MAF: variants seen among roughly 807,000 people sequenced by gnomAD.
The protein encoded by MAF is transcription factor Maf.
MAF carries 10 observed loss-of-function variants against 22.0 expected under a neutral mutation model. That is an observed-to-expected ratio of 0.45 (90% CI 0.28 to 0.77). MAF has a LOEUF of 0.77. MAF is among the 30% of genes least tolerant of loss of function. MAF has a pLI of 0.12. For synonymous variants in MAF, 337 were observed against 255.8 expected (o/e 1.32, Z -3.03); for missense variants, 544 against 548.4 (o/e 0.99, Z 0.08).
At chr16:79,575,170 T>C in the MAF span, among the ~76,000 whole-genome samples, 1 of 152,016 alleles carries the variant, frequency 6.6e-6, no homozygotes, top group South Asian at 2.1e-4. Flanking sequence ...CCAATCCTAC[T>C]CACTCCTCTC....
the MAF span, among the ~76,000 whole-genome samples, chr16:79,401,728 G>A: frequency 6.6e-6 from 1 of 152,118 alleles, no homozygotes; most frequent in East Asian, 1.9e-4. Flanking sequence ...AGAATACGGA[G>A]ACCAGAAGGG....
At chr16:79,436,968 G>C in the MAF span, among the ~76,000 whole-genome samples, 2 of 152,316 alleles carry the variant, frequency 1.3e-5, 1 homozygote, top group Admixed American at 1.3e-4. Context: ...GAAAGTGAGA[G>C]ATCTGACTAT....
chr16:79,292,196 T>C, the MAF span, among the ~76,000 whole-genome samples: 1 of 152,112 alleles, frequency 6.6e-6, no homozygotes, highest in African/African-American at 2.4e-5. Context: ...TGTGATCTTA[T>C]TTGGAAATAG....
At chr16:79,358,619 T>C in the MAF span, among the ~76,000 whole-genome samples, 1 of 152,206 alleles carries the variant, frequency 6.6e-6, no homozygotes, top group Non-Finnish European at 1.5e-5. Context: ...GTCACTTTAC[T>C]TTTTTGCGAG....
chr16:79,312,521 A>C, the MAF span, among the ~76,000 whole-genome samples: 1 of 152,168 alleles, frequency 6.6e-6, no homozygotes, highest in African/African-American at 2.4e-5. Flanking sequence ...ACTGACTCCA[A>C]AACAGTTGTT....
chr16:79,369,467 G>A, the MAF span, among the ~76,000 whole-genome samples: 1 of 152,198 alleles, frequency 6.6e-6, no homozygotes, highest in South Asian at 2.1e-4. Context: ...TCTTCTCTTT[G>A]AGGACAGGAG....
the MAF span, among the ~76,000 whole-genome samples, chr16:79,456,698 A>G: frequency 6.6e-5 from 10 of 152,148 alleles, no homozygotes; most frequent in Admixed American, 2.0e-4. Context: ...ACATGACCTG[A>G]GTGTGCCTAC....
the MAF span, among the ~76,000 whole-genome samples, chr16:79,420,226 T>C: frequency 6.6e-6 from 1 of 152,234 alleles, no homozygotes; most frequent in Non-Finnish European, 1.5e-5. Flanking sequence ...TGTTTATAGA[T>C]GTGCATCAGT....
chr16:79,272,129 G>A, the MAF span, among the ~76,000 whole-genome samples: 2 of 152,170 alleles, frequency 1.3e-5, no homozygotes, highest in Non-Finnish European at 2.9e-5. Context: ...GGCAGCAGGC[G>A]GGGGCCCCCA....
chr16:79,411,450 G>A, the MAF span, among the ~76,000 whole-genome samples: 6 of 152,244 alleles, frequency 3.9e-5, no homozygotes, highest in East Asian at 9.7e-4. Context: ...ATTCAAACAG[G>A]CCTCTGAAGC....
chr16:79,573,012 G>T, the MAF span, among the ~76,000 whole-genome samples: 1 of 152,198 alleles, frequency 6.6e-6, no homozygotes, highest in Non-Finnish European at 1.5e-5. Flanking sequence ...TCATTATTAT[G>T]TGGTTGTGAG....
chr16:79,546,593 T>C, the MAF span, among the ~76,000 whole-genome samples: 1 of 152,192 alleles, frequency 6.6e-6, no homozygotes, highest in East Asian at 1.9e-4. Context: ...TCAGGACAGA[T>C]TAACTCATTC....
the MAF span, among the ~76,000 whole-genome samples, chr16:79,335,193 A>G: frequency 6.6e-6 from 1 of 151,904 alleles, no homozygotes; most frequent in Non-Finnish European, 1.5e-5. Context: ...CAAAAAAAAA[A>G]AAAAAAGAAA....
the MAF span, among the ~76,000 whole-genome samples, chr16:79,429,227 C>G: frequency 6.6e-6 from 1 of 152,308 alleles, no homozygotes; most frequent in African/African-American, 2.4e-5. Flanking sequence ...TGGCCTATCT[C>G]TGGGCGAGTT....
chr16:79,518,027 A>G, the MAF span, among the ~76,000 whole-genome samples: 4 of 152,202 alleles, frequency 2.6e-5, no homozygotes, highest in Non-Finnish European at 5.9e-5. Flanking sequence ...CTAGTTAATC[A>G]TATATATGAA....
the MAF span, among the ~76,000 whole-genome samples, chr16:79,488,450 G>C: frequency 2.6e-5 from 4 of 151,972 alleles, no homozygotes; most frequent in African/African-American, 7.3e-5. Flanking sequence ...GCAAGTTCTG[G>C]AGCCCACATA....
At chr16:79,435,023 C>T in the MAF span, among the ~76,000 whole-genome samples, 1 of 152,138 alleles carries the variant, frequency 6.6e-6, no homozygotes, top group Non-Finnish European at 1.5e-5. Context: ...CTTCTGGGTC[C>T]CAGCAGAGTG....
the MAF span, among the ~76,000 whole-genome samples, chr16:79,445,724 C>T: frequency 3.9e-5 from 6 of 152,208 alleles, no homozygotes; most frequent in East Asian, 1.9e-4. Context: ...TTGCATCAGA[C>T]GCTCCCTCAT....
chr16:79,236,025 G>A, the MAF span, among the ~76,000 whole-genome samples: 5 of 152,064 alleles, frequency 3.3e-5, no homozygotes, highest in East Asian at 9.7e-4. Context: ...TGGAGCCCAC[G>A]GGAATCTCAG....
Sources: allele counts gnomAD v4.1 joint callset (sites outside exome capture counted in the v4.1 genomes callset), GRCh38; gene constraint gnomAD v4.1.1; transcripts MANE v1.5; gene names NCBI Gene and HGNC (gene_info 2026-07-23, HGNC 2026-07-21).